ATP8A2: variants seen among roughly 807,000 people sequenced by gnomAD.
ATP8A2 encodes the protein phospholipid-transporting ATPase IB.
ATP8A2 carries 100 observed loss-of-function variants against 165.6 expected under a neutral mutation model. That is an observed-to-expected ratio of 0.60 (90% CI 0.51 to 0.71). The LOEUF is 0.71. Ranked by LOEUF, ATP8A2 falls within the 30% of genes least tolerant of loss-of-function variation. The pLI is 0.00. For missense variants in ATP8A2, 1,227 were observed against 1,479.5 expected (o/e 0.83, Z 2.80); for synonymous variants, 543 against 548.8 (o/e 0.99, Z 0.15).
At chr13:25,989,091 C>G (rs1214294593) in intron 35 of ATP8A2, among the ~76,000 whole-genome samples, 1 of 152,208 alleles carries the variant, frequency 6.6e-6, no homozygotes, top group Admixed American at 6.5e-5. Flanking sequence ...GGAGGTTAAT[C>G]GGTGGTGAAG....
intron 27 of ATP8A2, among the ~76,000 whole-genome samples, chr13:25,799,581 CAA>C (rs1367094619): frequency 6.6e-6 from 1 of 152,174 alleles, no homozygotes; most frequent in African/African-American, 2.4e-5. Context: ...TAATTTCACA[CAA>C]GTCTTCCACG....
chr13:25,622,397 G>A (rs1593669867), intron 24 of ATP8A2, among the ~76,000 whole-genome samples: 2 of 151,966 alleles, frequency 1.3e-5, no homozygotes, highest in African/African-American at 4.8e-5. Flanking sequence ...GAAGGAGAAG[G>A]CTACCACATG....
chr13:25,456,742 A>G (rs1176510388), intron 1 of ATP8A2, among the ~76,000 whole-genome samples: 1 of 152,144 alleles, frequency 6.6e-6, no homozygotes, highest in African/African-American at 2.4e-5. Flanking sequence ...AAGCAGGGAG[A>G]GGGTTTTTTA....
intron 35 of ATP8A2, among the ~76,000 whole-genome samples, chr13:25,975,632 A>G (rs991658084): frequency 6.6e-6 from 1 of 152,160 alleles, no homozygotes; most frequent in Non-Finnish European, 1.5e-5. Flanking sequence ...TCAAGCATAC[A>G]TAGTAGTAGG....
In ATP8A2 at chr13:25,854,501, T is replaced by A. The variant is rs566045483; in HGVS notation, c.2957-5694T>A. 1.8e-4 allele frequency among the ~76,000 whole-genome samples: 27 copies of A among 152,150 alleles called. No homozygotes were observed. In the East Asian group the frequency reaches 5.2e-3, roughly 30 times the overall value. The stretch of plus-strand genomic sequence containing the variant: ...GCATACCTGGCTAGTTTTTAAAAAA[T>A]TTGTTCATAGAGATAGGGTTACCCA... On this transcript the variant is annotated intron_variant, in intron 30 of 36. Coordinates refer to ENST00000381655, the MANE Select transcript of ATP8A2 (RefSeq NM_016529.6).
intron 35 of ATP8A2, among the ~76,000 whole-genome samples, chr13:26,006,864 T>C (rs1956750351): frequency 6.6e-6 from 1 of 151,998 alleles, no homozygotes; most frequent in Admixed American, 6.6e-5. Context: ...CAGGGATAAA[T>C]CTCATTTGGT....
chr13:25,430,599 T>C (rs1468518973), intron 1 of ATP8A2, among the ~76,000 whole-genome samples: 1 of 152,028 alleles, frequency 6.6e-6, no homozygotes, highest in Non-Finnish European at 1.5e-5. Flanking sequence ...GTTGTTGTTG[T>C]TTGTTTTTGT....
At chr13:25,841,322 G>T (rs1193780134) in intron 30 of ATP8A2, among the ~76,000 whole-genome samples, 1 of 152,156 alleles carries the variant, frequency 6.6e-6, no homozygotes, top group Non-Finnish European at 1.5e-5. Context: ...AAATTACCTG[G>T]CAGGCAGCCA....
chr13:25,729,511 A>G (rs1283259134), intron 25 of ATP8A2, among the ~76,000 whole-genome samples: 1 of 152,178 alleles, frequency 6.6e-6, no homozygotes, highest in Non-Finnish European at 1.5e-5. Flanking sequence ...ACTGGGTCAC[A>G]CTTGGAGGGT....
chr13:25,480,525 G>A (rs1418675571), intron 2 of ATP8A2, among the ~76,000 whole-genome samples: 3 of 149,524 alleles, frequency 2.0e-5, no homozygotes, highest in East Asian at 2.0e-4. Flanking sequence ...ACGGGGCGGC[G>A]GGGCAAAGGC....
At chr13:25,920,371 C>T (rs1483923613) in intron 33 of ATP8A2, among the ~76,000 whole-genome samples, 1 of 151,664 alleles carries the variant, frequency 6.6e-6, no homozygotes, top group Non-Finnish European at 1.5e-5. Flanking sequence ...GACCCAGTGC[C>T]CTCCAGATGT....
chr13:25,673,746 A>G (rs1371738333), intron 24 of ATP8A2, among the ~76,000 whole-genome samples: 1 of 152,202 alleles, frequency 6.6e-6, no homozygotes, highest in Non-Finnish European at 1.5e-5. Flanking sequence ...CAATGGAAAG[A>G]AAGCCAGCCA....
intron 24 of ATP8A2, among the ~76,000 whole-genome samples, chr13:25,656,660 G>A (rs183223984): frequency 1.6e-3 from 237 of 151,584 alleles, no homozygotes; most frequent in South Asian, 2.9e-3. Flanking sequence ...TTTTCTGGCT[G>A]GGCATGGGAG....
intron 25 of ATP8A2, among the ~76,000 whole-genome samples, chr13:25,747,066 A>G (rs2044048271): frequency 6.6e-6 from 1 of 152,116 alleles, no homozygotes; most frequent in African/African-American, 2.4e-5. Flanking sequence ...GACCTCATCC[A>G]AGGGTTTTTA....
intron 1 of ATP8A2, among the ~76,000 whole-genome samples, chr13:25,435,070 T>C (rs2034718446): frequency 3.9e-5 from 6 of 151,958 alleles, no homozygotes; most frequent in Admixed American, 2.6e-4. Context: ...TGGAGACTGA[T>C]AGAAAACAGC....
At position 25,828,098 on chromosome 13, in the gene ATP8A2, T is replaced by C. The variant is rs757374925; in HGVS notation, c.2680-20T>C. The C allele has an allele frequency of 9.3e-6, 15 of 1,605,824 alleles. No homozygotes were observed. The highest frequency in any genetic ancestry group is 1.3e-5 in the Non-Finnish European group (15 of 1,172,498). ...AGGTCAATATTGATATAAAACTTCA[T>C]GAGCTTTCTTCTCTTTCAGCTTTGG... On this transcript the variant is annotated intron_variant, in intron 27 of 36. Coordinates refer to ENST00000381655, the MANE Select transcript of ATP8A2 (RefSeq NM_016529.6).
intron 24 of ATP8A2, among the ~76,000 whole-genome samples, chr13:25,599,543 T>C (rs1372483976): frequency 6.6e-6 from 1 of 152,244 alleles, no homozygotes; most frequent in African/African-American, 2.4e-5. Flanking sequence ...ATGTAAGTAA[T>C]CACTCTGCCT....
At chr13:25,948,475 G>T (rs1470617135) in intron 33 of ATP8A2, among the ~76,000 whole-genome samples, 1 of 152,298 alleles carries the variant, frequency 6.6e-6, no homozygotes, top group East Asian at 1.9e-4. Flanking sequence ...CTGAGCCACA[G>T]TAGTTAAGTA....
intron 4 of ATP8A2, 123 bp downstream of exon 4, chr13:25,530,783 C>T (rs752517274): frequency 3.1e-6 from 2 of 638,684 alleles, no homozygotes; most frequent in African/African-American, 3.7e-5. Flanking sequence ...CTTTAGACAC[C>T]TGATGGTATT....
Sources: gnomAD v4.1 joint callset for allele counts (sites outside exome capture counted in the v4.1 genomes callset) on GRCh38, gnomAD v4.1.1 for gene constraint, MANE v1.5 for transcripts, NCBI Gene and HGNC (gene_info 2026-07-23, HGNC 2026-07-21) for gene names.